SPECC1L: variants seen among roughly 807,000 people sequenced by gnomAD.
SPECC1L encodes the protein cytospin-A.
In SPECC1L, 40 loss-of-function variants were observed where a neutral mutation model predicts 116.8. The observed-to-expected ratio is 0.34, with a 90% confidence interval of 0.27 to 0.45. The LOEUF is 0.45. SPECC1L is among the 20% of genes least tolerant of loss of function. The pLI is 1.00. For synonymous variants in SPECC1L, 504 were observed against 500.6 expected, an observed-to-expected ratio of 1.01 and a Z score of -0.09; for missense variants, 1,110 against 1,373.6, an observed-to-expected ratio of 0.81 and a Z score of 3.03.
chr22:24,321,730 T>C lies in SPECC1L; in HGVS notation c.750T>C (p.Asn250=), dbSNP rs201309256. The C allele has an allele frequency of 5.6e-6, 9 of 1,614,224 alleles. No individual in the cohort carries two copies. Among genetic ancestry groups the C allele is most frequent in the Non-Finnish European group, 7.6e-6 (9 of 1,180,046 alleles). ...ESTLLQLQEQ[N]TAIREELNQL... The stretch of plus-strand genomic sequence containing the variant: ...CTTTATTGCAGTTGCAGGAACAGAA[T>C]ACTGCCATCCGTGAAGAACTCAACC... The change falls in exon 5 of 17, where the codon AAT becomes AAC. Residue 250 remains asparagine (N), a synonymous_variant. Transcript: ENST00000314328.
rs550329117 is a variant in SPECC1L at position 24,365,696 on chromosome 22, A to C, written c.2984+64A>C. On this transcript the variant is annotated intron_variant, in intron 13 of 16. Coordinates refer to ENST00000314328, the MANE Select transcript of SPECC1L (RefSeq NM_015330.6). ...TTTCCTGGCCTTTTGACAGTAAATG[A>C]TCAAGTTGTAAAATGATGGCATTTG... The C allele has an allele frequency of 7.9e-5, 125 of 1,573,758 alleles. 1 individual carries two copies. In the South Asian group the frequency reaches 1.2e-3, roughly 15 times the overall value.
chr22:24,385,020 G>A (rs534510198), intron 14 of SPECC1L, among the ~76,000 whole-genome samples: 11 of 148,004 alleles, frequency 7.4e-5, no homozygotes, highest in East Asian at 3.9e-4. Flanking sequence ...CTGAGATCGC[G>A]CCACTGAACT....
At chr22:24,310,299 AC>A in intron 3 of SPECC1L, among the ~76,000 whole-genome samples, 1 of 152,354 alleles carries the variant, frequency 6.6e-6, no homozygotes, top group East Asian at 1.9e-4. Flanking sequence ...GCAATAAAAA[AC>A]AATGCTGCAG....
At chr22:24,321,265 C>G (rs766147313) in intron 4 of SPECC1L, 23 bp from the exon 5 acceptor site, 1 of 1,612,110 alleles carries the variant, frequency 6.2e-7, no homozygotes, top group Non-Finnish European at 8.5e-7. Context: ...TTTTGCCTTA[C>G]ATTTTTTGTA....
Position 24,414,914 on chromosome 22 carries a change from C to T in SPECC1L, c.*291C>T. 2.2e-6 allele frequency: 1 copy of T among 449,810 alleles called. No homozygotes were observed. The allele number at this position is 449,810 out of a possible 1,614,324, so 27.9% of individuals were successfully genotyped here. On this transcript the variant is annotated 3_prime_UTR_variant, in exon 17 of 17. Coordinates refer to ENST00000314328, the MANE Select transcript of SPECC1L (RefSeq NM_015330.6). Reference sequence around the variant, plus strand: ...TCCTTCTGAAGAGAATATTGAACTACACTAGTGCTCCAGGGCACCAAACAA... The same window carrying T: ...TCCTTCTGAAGAGAATATTGAACTATACTAGTGCTCCAGGGCACCAAACAA...
chr22:24,378,092 G>T (rs574663187), intron 14 of SPECC1L, among the ~76,000 whole-genome samples: 1 of 152,340 alleles, frequency 6.6e-6, no homozygotes, highest in African/African-American at 2.4e-5. Context: ...GTTGTTTAGT[G>T]TGGCCACCTT....
chr22:24,279,302 C>T (rs1179547379), intron 2 of SPECC1L, among the ~76,000 whole-genome samples: 3 of 152,148 alleles, frequency 2.0e-5, no homozygotes, highest in Non-Finnish European at 4.4e-5. Context: ...AACCTGGTTG[C>T]GCCTGTGCTG....
chr22:24,407,901 A>G (rs1163407393), intron 14 of SPECC1L, among the ~76,000 whole-genome samples: 4 of 152,204 alleles, frequency 2.6e-5, no homozygotes, highest in Non-Finnish European at 4.4e-5. Context: ...CACTGTGGAA[A>G]GGTGCACAGG....
chr22:24,390,851 CCTTTTTTTTTTTTTTCTTTT>C (rs2042248511), intron 14 of SPECC1L, among the ~76,000 whole-genome samples: 1 of 52,060 alleles, frequency 1.9e-5, no homozygotes, highest in Non-Finnish European at 4.3e-5. Context: ...GGCCTGTGTT[CCTTTTTTTTTTTTTTCTTTT>C]CTTTTTTTTT....
intron 9 of SPECC1L, among the ~76,000 whole-genome samples, chr22:24,335,840 A>T (rs996418025): frequency 6.6e-6 from 1 of 152,070 alleles, no homozygotes; most frequent in African/African-American, 2.4e-5. Context: ...TATTATACAT[A>T]GTACCATCTT....
At chr22:24,314,845 G>C (rs1027470557) in intron 4 of SPECC1L, among the ~76,000 whole-genome samples, 2 of 152,194 alleles carry the variant, frequency 1.3e-5, no homozygotes, top group African/African-American at 4.8e-5. Context: ...CATAGTTTTT[G>C]ATTGTCCCTC....
intron 4 of SPECC1L, among the ~76,000 whole-genome samples, chr22:24,317,319 C>T (rs1479937003): frequency 1.6e-5 from 2 of 125,036 alleles, no homozygotes; most frequent in African/African-American, 5.6e-5. Flanking sequence ...GGGCTGACCC[C>T]CCCCACCTCC....
chr22:24,370,839 C>T (rs1174531699), intron 14 of SPECC1L, among the ~76,000 whole-genome samples: 6 of 150,756 alleles, frequency 4.0e-5, no homozygotes, highest in African/African-American at 1.5e-4. Context: ...GCTAATACTA[C>T]ATGATTCTAA....
At chr22:24,411,446 C>T (rs111700821) in intron 14 of SPECC1L, 142 bp from the exon 15 acceptor site, 16,465 of 785,200 alleles carry the variant, frequency 0.021, 809 homozygotes, top group East Asian at 0.1. Context: ...ACCAGGTAGC[C>T]CTTGGACACA....
chr22:24,279,582 T>G (rs1427713458), intron 2 of SPECC1L, among the ~76,000 whole-genome samples: 1 of 151,478 alleles, frequency 6.6e-6, no homozygotes, highest in Non-Finnish European at 1.5e-5. Context: ...TTATTATTAT[T>G]ATTATTTATT....
chr22:24,394,009 C>T (rs943907203), intron 14 of SPECC1L, among the ~76,000 whole-genome samples: 1 of 152,144 alleles, frequency 6.6e-6, no homozygotes, highest in Non-Finnish European at 1.5e-5. Context: ...TGTGTGTAAC[C>T]GTAGCTCATT....
chr22:24,339,323 C>A (rs530978993), intron 10 of SPECC1L, among the ~76,000 whole-genome samples: 131 of 152,228 alleles, frequency 8.6e-4, no homozygotes, highest in African/African-American at 3.2e-3. Flanking sequence ...AGGGCAGCTG[C>A]GATTCAGAGT....
Position 24,417,395 on chromosome 22 carries a change from C to T in SPECC1L, c.*2772C>T, listed in dbSNP as rs1412613870. ...TGTGGCCCTACCCCAAGGCGCACTTCCTCATGTGGGCAGATCCTGACCAGG... is the reference window on the plus strand; with the variant it reads ...TGTGGCCCTACCCCAAGGCGCACTTTCTCATGTGGGCAGATCCTGACCAGG... On this transcript the variant is annotated 3_prime_UTR_variant, in exon 17 of 17. Transcript: ENST00000314328. 6.6e-6 allele frequency: 1 copy of T among 152,386 alleles called. No individual in the cohort carries two copies. The highest frequency in any genetic ancestry group is 2.4e-5 in the African/African-American group (1 of 41,442). 9.4% of individuals were successfully genotyped at this position (152,386 alleles called of 1,614,324 possible).
rs199743857 is a variant in SPECC1L, at chr22:24,330,523, GT to G, written c.2396+95del. 3.5e-3 allele frequency: 4,858 copies of G among 1,383,236 alleles called. 200 individuals are homozygous for G. In the Admixed American group the frequency reaches 0.077, roughly 22 times the overall value. 85.7% of individuals were successfully genotyped at this position (1,383,236 alleles called of 1,614,324 possible). The stretch of plus-strand genomic sequence containing the variant: ...TGTGGTGCTATGGAAAAAATGTGGA[GT>G]TTGATACTTACTGAGTTTGGATCTG... On this transcript the variant is annotated intron_variant, in intron 8 of 16. Coordinates refer to ENST00000314328, the MANE Select transcript of SPECC1L (RefSeq NM_015330.6).
Sources: gnomAD v4.1 joint callset for allele counts (sites outside exome capture counted in the v4.1 genomes callset) on GRCh38, gnomAD v4.1.1 for gene constraint, MANE v1.5 for transcripts, NCBI Gene and HGNC (gene_info 2026-07-23, HGNC 2026-07-21) for gene names.